Variants in KCNN2 observed in about 807,000 individuals in gnomAD.
KCNN2 encodes small conductance calcium-activated potassium channel protein 2.
A neutral mutation model predicts 55.5 loss-of-function variants in KCNN2; 24 were observed. The observed-to-expected ratio is 0.43, with a 90% confidence interval of 0.31 to 0.61. The LOEUF (loss-of-function observed/expected upper bound fraction) is 0.61, where lower values mean the gene tolerates loss of function less well. Ranked by LOEUF, KCNN2 falls within the 20% of genes least tolerant of loss-of-function variation. The pLI is 0.08. For synonymous variants in KCNN2, 431 were observed against 336.1 expected (o/e 1.28, Z -3.09); for missense variants, 754 against 853.6 (o/e 0.88, Z 1.45).
chr5:114,174,504 C>T (rs1174627564), intron 1 of KCNN2, among the ~76,000 whole-genome samples: 1 of 152,086 alleles, frequency 6.6e-6, no homozygotes, highest in Non-Finnish European at 1.5e-5. Flanking sequence ...TTTCTTACTT[C>T]ACTTCTGAAC....
intron 1 of KCNN2, among the ~76,000 whole-genome samples, chr5:114,212,221 A>G (rs1240432033): frequency 6.6e-6 from 1 of 152,050 alleles, no homozygotes; most frequent in Non-Finnish European, 1.5e-5. Flanking sequence ...AAAGGAAATC[A>G]GTTACTGATT....
At chr5:114,133,698 C>G (rs1752114287) in intron 1 of KCNN2, among the ~76,000 whole-genome samples, 1 of 152,178 alleles carries the variant, frequency 6.6e-6, no homozygotes, top group African/African-American at 2.4e-5. Flanking sequence ...CAATTCAGGT[C>G]TTTATATGGG....
At chr5:114,330,346 C>T (rs1756793906) in intron 2 of KCNN2, among the ~76,000 whole-genome samples, 1 of 152,194 alleles carries the variant, frequency 6.6e-6, no homozygotes, top group African/African-American at 2.4e-5. Context: ...CGGAGTACTC[C>T]ACATGTTTTC....
chr5:114,087,864 T>G (rs935067472), intron 1 of KCNN2, among the ~76,000 whole-genome samples: 1 of 152,136 alleles, frequency 6.6e-6, no homozygotes, highest in African/African-American at 2.4e-5. Context: ...TTACTTTTCA[T>G]GTAAGAACCA....
At chr5:114,471,835 G>T (rs540508677) in intron 4 of KCNN2, among the ~76,000 whole-genome samples, 1 of 152,228 alleles carries the variant, frequency 6.6e-6, no homozygotes, top group Non-Finnish European at 1.5e-5. Flanking sequence ...TAATGATCAG[G>T]TCGTGTATTT....
intron 2 of KCNN2, among the ~76,000 whole-genome samples, chr5:114,227,204 A>G (rs1382230165): frequency 6.6e-6 from 1 of 152,168 alleles, no homozygotes; most frequent in Non-Finnish European, 1.5e-5. Context: ...TCTATGCCTG[A>G]TATTTATAAC....
chr5:114,270,894 T>C (rs1186634418), intron 2 of KCNN2, among the ~76,000 whole-genome samples: 1 of 152,188 alleles, frequency 6.6e-6, no homozygotes, highest in East Asian at 1.9e-4. Flanking sequence ...GGTGGGTTCG[T>C]GGTCTCACTG....
Position 114,114,341 on chromosome 5 carries a change from G to C in KCNN2, c.-271+57841G>C, listed in dbSNP as rs574367936. On this transcript the variant is annotated intron_variant, in intron 1 of 10. Transcript: ENST00000512097. ...ACTCCTGGGCTCAAGTGATCCTCTTGCTTAGCCTCCTGATTAGCTAGGATG... is the reference window on the plus strand; with the variant it reads ...ACTCCTGGGCTCAAGTGATCCTCTTCCTTAGCCTCCTGATTAGCTAGGATG... Among the ~76,000 whole-genome samples, 21 of 152,004 alleles carry C rather than the reference G, an allele frequency of 1.4e-4. No individual in the cohort carries two copies. The South Asian group carries it at 3.3e-3, about 24-fold the overall frequency.
chr5:114,432,369 T>C (rs779638885), intron 3 of KCNN2, among the ~76,000 whole-genome samples: 5 of 152,252 alleles, frequency 3.3e-5, no homozygotes, highest in Admixed American at 1.3e-4. Context: ...GTTTGCTTTG[T>C]CTGAAATTAA....
At chr5:114,056,002 A>G (rs1056349432), upstream of KCNN2, 48 of 205,724 alleles carry the variant, frequency 2.3e-4, no homozygotes, top group African/African-American at 1.0e-3. Flanking sequence ...CGATACCCTG[A>G]GCATTCGGGC....
At chr5:114,099,883 G>T (rs1183948557) in intron 1 of KCNN2, among the ~76,000 whole-genome samples, 2 of 151,640 alleles carry the variant, frequency 1.3e-5, no homozygotes, top group African/African-American at 4.8e-5. Context: ...TATATATAAA[G>T]AAAAGTTTTT....
At chr5:114,071,188 G>T (rs920728743) in intron 1 of KCNN2, among the ~76,000 whole-genome samples, 1 of 152,198 alleles carries the variant, frequency 6.6e-6, no homozygotes, top group African/African-American at 2.4e-5. Context: ...TTTCTGAAAG[G>T]TCCAGAGAAT....
intron 1 of KCNN2, among the ~76,000 whole-genome samples, chr5:114,072,256 C>T (rs1750588523): frequency 6.6e-6 from 1 of 151,776 alleles, no homozygotes; most frequent in African/African-American, 2.4e-5. Context: ...CACGCCATTG[C>T]ACTCCAGCCT....
At chr5:114,448,454 A>G (rs1760511051) in intron 3 of KCNN2, among the ~76,000 whole-genome samples, 1 of 152,206 alleles carries the variant, frequency 6.6e-6, no homozygotes, top group African/African-American at 2.4e-5. Flanking sequence ...ATTGAAGTCT[A>G]TATTTTAGCT....
intron 2 of KCNN2, among the ~76,000 whole-genome samples, chr5:114,285,950 A>ACCCTTGTTG (rs1755738691): frequency 7.1e-6 from 1 of 140,384 alleles, no homozygotes; most frequent in Non-Finnish European, 1.5e-5. Flanking sequence ...ACGGAGTTTC[A>ACCCTTGTTG]CCCTTGTTGC....
intron 1 of KCNN2, among the ~76,000 whole-genome samples, chr5:114,163,199 A>G (rs1443927928): frequency 6.6e-6 from 1 of 152,122 alleles, no homozygotes; most frequent in African/African-American, 2.4e-5. Flanking sequence ...GGCTGAGATA[A>G]TGGGGTTTTC....
At chr5:114,226,900 CAAAA>C (rs34719469) in intron 2 of KCNN2, among the ~76,000 whole-genome samples, 9 of 86,750 alleles carry the variant, frequency 1.0e-4, no homozygotes, top group African/African-American at 2.3e-4. Flanking sequence ...GACTCCGTCT[CAAAA>C]AAAAAAAAAA....
rs554949221 is a variant in KCNN2, at chr5:114,402,390, G to A, written c.1219-2048G>A. On this transcript the variant is annotated intron_variant, in intron 2 of 7. Coordinates refer to ENST00000673685, the MANE Select transcript of KCNN2 (RefSeq NM_021614.4). ...AACAAACACAACCTAGAGTAGGCAT[G>A]GAGCCAGCCCTGGTTCTCTTTGTTT... Among the ~76,000 whole-genome samples, 3 of 152,308 alleles carry A rather than the reference G, an allele frequency of 2.0e-5. No homozygotes were observed. The South Asian group carries it at 6.2e-4, about 32-fold the overall frequency.
intron 2 of KCNN2, among the ~76,000 whole-genome samples, chr5:114,303,145 C>G (rs1210921404): frequency 2.6e-5 from 4 of 152,234 alleles, no homozygotes; most frequent in Non-Finnish European, 5.9e-5. Context: ...AAATATACGT[C>G]TTGGGACAAA....
Sources: gnomAD v4.1 joint callset for allele counts (sites outside exome capture counted in the v4.1 genomes callset) on GRCh38, gnomAD v4.1.1 for gene constraint, MANE v1.5 for transcripts, NCBI Gene and HGNC (gene_info 2026-07-23, HGNC 2026-07-21) for gene names.